CSMD1: variants seen among roughly 807,000 people sequenced by gnomAD.
CSMD1 encodes the protein CUB and Sushi multiple domains 1.
A neutral mutation model predicts 417.5 loss-of-function variants in CSMD1; 213 were observed. The ratio of observed to expected loss-of-function variants is 0.51; its 90% CI spans 0.46 to 0.57. The LOEUF (loss-of-function observed/expected upper bound fraction) is 0.57. Ranked by LOEUF, CSMD1 falls within the 20% of genes least tolerant of loss-of-function variation. The pLI, the probability that CSMD1 is intolerant of heterozygous loss-of-function variation, is 0.00. For missense variants in CSMD1, 6,923 were observed against 4,529.7 expected, an observed-to-expected ratio of 1.53 and a Z score of -15.17; for synonymous variants, 2,862 against 1,736.8, an observed-to-expected ratio of 1.65 and a Z score of -16.11.
intron 2 of CSMD1, among the ~76,000 whole-genome samples, chr8:4,530,420 G>A (rs1304846033): frequency 7.2e-6 from 1 of 137,992 alleles, no homozygotes; most frequent in Non-Finnish European, 1.5e-5. Flanking sequence ...GTGGTTTGCT[G>A]CATCTACCAA....
intron 54 of CSMD1, among the ~76,000 whole-genome samples, chr8:2,979,026 G>C (rs1310886426): frequency 6.6e-6 from 1 of 152,156 alleles, no homozygotes; most frequent in South Asian, 2.1e-4. Context: ...TTTCACGTGA[G>C]GCTAATTTCC....
intron 3 of CSMD1, among the ~76,000 whole-genome samples, chr8:4,269,842 T>A (rs1460549399): frequency 6.6e-6 from 1 of 152,122 alleles, no homozygotes; most frequent in Non-Finnish European, 1.5e-5. Flanking sequence ...AATCTATCCT[T>A]CCCCTACAAA....
intron 6 of CSMD1, among the ~76,000 whole-genome samples, chr8:3,716,835 A>T (rs1225855508): frequency 6.6e-6 from 1 of 152,072 alleles, no homozygotes; most frequent in African/African-American, 2.4e-5. Context: ...TAGTCATCTA[A>T]TAAAACATTA....
At chr8:3,152,872 C>G (rs1182281358) in intron 39 of CSMD1, among the ~76,000 whole-genome samples, 1 of 152,162 alleles carries the variant, frequency 6.6e-6, no homozygotes, top group Non-Finnish European at 1.5e-5. Context: ...AGTGGCATGC[C>G]TACATACATT....
At chr8:3,160,932 G>A (rs919026953) in intron 38 of CSMD1, among the ~76,000 whole-genome samples, 2 of 152,202 alleles carry the variant, frequency 1.3e-5, no homozygotes, top group African/African-American at 2.4e-5. Context: ...TGTACATGCA[G>A]AAACTGAATT....
chr8:3,164,506 A>T (rs1585527215), intron 37 of CSMD1, among the ~76,000 whole-genome samples: 1 of 152,214 alleles, frequency 6.6e-6, no homozygotes, highest in East Asian at 1.9e-4. Context: ...TTTTGTTTTA[A>T]CTTTAGAACA....
chr8:3,413,952 A>G (rs1162740920), intron 12 of CSMD1, among the ~76,000 whole-genome samples: 1 of 151,920 alleles, frequency 6.6e-6, no homozygotes, highest in East Asian at 1.9e-4. Context: ...CAGCCTGGCC[A>G]ACATCATGAA....
chr8:4,635,891 A>G (rs894147256), intron 2 of CSMD1, among the ~76,000 whole-genome samples: 27 of 152,098 alleles, frequency 1.8e-4, no homozygotes, highest in African/African-American at 6.0e-4. Context: ...CCATTCTACT[A>G]TGTATGAAAG....
intron 5 of CSMD1, among the ~76,000 whole-genome samples, chr8:3,883,611 A>T (rs1412847191): frequency 6.6e-6 from 1 of 152,178 alleles, no homozygotes; most frequent in Non-Finnish European, 1.5e-5. Flanking sequence ...TTTATTTGAT[A>T]TCAATTAATA....
At chr8:4,547,776 A>T (rs983969160) in intron 2 of CSMD1, among the ~76,000 whole-genome samples, 1 of 152,216 alleles carries the variant, frequency 6.6e-6, no homozygotes, top group Non-Finnish European at 1.5e-5. Flanking sequence ...TGTACCCTGG[A>T]AATTTAATGT....
chr8:3,630,350 G>C (rs569340489), intron 7 of CSMD1, among the ~76,000 whole-genome samples: 15 of 152,286 alleles, frequency 9.8e-5, no homozygotes, highest in African/African-American at 3.6e-4. Flanking sequence ...CTCTTGCCCA[G>C]TAAACAGCAG....
chr8:3,745,638 A>G (rs17067335), intron 6 of CSMD1, among the ~76,000 whole-genome samples: 32,062 of 152,150 alleles, frequency 0.21, 3,903 homozygotes, highest in South Asian at 0.37. Context: ...ACTCTGAAGC[A>G]TTTGTCTTTT....
intron 1 of CSMD1, among the ~76,000 whole-genome samples, chr8:4,812,180 A>G (rs894294791): frequency 6.6e-6 from 1 of 152,202 alleles, no homozygotes; most frequent in Non-Finnish European, 1.5e-5. Context: ...GCAGCGAGAT[A>G]AACACAGCTG....
intron 1 of CSMD1, among the ~76,000 whole-genome samples, chr8:4,775,231 G>GA (rs1364991277): frequency 6.6e-6 from 1 of 152,006 alleles, no homozygotes; most frequent in Non-Finnish European, 1.5e-5. Flanking sequence ...ACTAAAATAG[G>GA]AAAAATAGAG....
chr8:3,835,487 A>G (rs1802631184), intron 5 of CSMD1, among the ~76,000 whole-genome samples: 1 of 151,870 alleles, frequency 6.6e-6, no homozygotes. Flanking sequence ...CAAACACCAC[A>G]TGTTCTCACT....
At chr8:4,799,035 G>T (rs1416653144) in intron 1 of CSMD1, among the ~76,000 whole-genome samples, 1 of 152,158 alleles carries the variant, frequency 6.6e-6, no homozygotes, top group Non-Finnish European at 1.5e-5. Flanking sequence ...GTTTCCAGCA[G>T]GAGCGTGGGC....
At chr8:3,975,903 G>C (rs1453215487) in intron 5 of CSMD1, among the ~76,000 whole-genome samples, 2 of 152,070 alleles carry the variant, frequency 1.3e-5, no homozygotes, top group Admixed American at 1.3e-4. Context: ...GCAAATGAGT[G>C]AATGTATTAG....
At chr8:4,119,885 G>C (rs1327983954) in intron 3 of CSMD1, among the ~76,000 whole-genome samples, 1 of 152,222 alleles carries the variant, frequency 6.6e-6, no homozygotes, top group Non-Finnish European at 1.5e-5. Flanking sequence ...CAAAGTACAG[G>C]ACAGTTGCCG....
chr8:3,020,771 C>T (rs1011588), intron 51 of CSMD1, among the ~76,000 whole-genome samples: 8,351 of 152,156 alleles, frequency 0.055, 242 homozygotes, highest in African/African-American at 0.074. Context: ...ATTGGGAGGT[C>T]CAACTCGAGA....
Sources: allele counts gnomAD v4.1 joint callset (sites outside exome capture counted in the v4.1 genomes callset), GRCh38; gene constraint gnomAD v4.1.1; transcripts MANE v1.5; gene names NCBI Gene and HGNC (gene_info 2026-07-23, HGNC 2026-07-21).